USP43: variants seen among roughly 807,000 people sequenced by gnomAD.
USP43 encodes ubiquitin carboxyl-terminal hydrolase 43.
Under a neutral mutation model 90.7 loss-of-function variants are expected in USP43, and 33 were observed. The ratio of observed to expected loss-of-function variants is 0.36; its 90% confidence interval spans 0.28 to 0.49. The LOEUF (loss-of-function observed/expected upper bound fraction) is 0.49, where lower values mean the gene tolerates loss of function less well. USP43 is among the 20% of genes least tolerant of loss of function. The pLI, the probability that USP43 is intolerant of heterozygous loss-of-function variation, is 0.98. For missense variants in USP43, 1,274 were observed against 1,476.4 expected, an observed-to-expected ratio of 0.86 and a Z score of 2.25; for synonymous variants, 598 against 615.8, an observed-to-expected ratio of 0.97 and a Z score of 0.43.
At position 9,728,562 on chromosome 17, in the gene USP43, C is replaced by T. The variant is rs779045380; in HGVS notation, c.2944C>T (p.Arg982Cys). 9.9e-6 allele frequency: 16 copies of T among 1,613,856 alleles called. No individual in the cohort carries two copies. The highest frequency in any genetic ancestry group is 4.4e-5 in the South Asian group (4 of 91,078). ...ATTCTCTGGAAACAGCAAAGACAGT[C>T]GCCGAGGCACCTCTGAGCTAGACAG... The part of the protein sequence containing the change: ...MGFSGNSKDS[R>C]RGTSELDRPL... Residue 982 changes from arginine to cysteine, a missense_variant, in exon 15 of 15, where the codon CGC becomes TGC. Around this residue, in one of 6 missense-constraint regions of USP43, gnomAD observed 353 missense variants for 329.7 expected, o/e 1.07. Coordinates refer to ENST00000285199, the MANE Select transcript of USP43 (RefSeq NM_153210.5). The surrounding 1 kb of genome is among the most constrained non-coding windows in gnomAD (Gnocchi z 6.2).
chr17:9,645,447 G>C, upstream of USP43: 1 of 426,960 alleles, frequency 2.3e-6, no homozygotes, highest in Non-Finnish European at 3.5e-6. The surrounding 1 kb of genome is among the most constrained non-coding windows in gnomAD (Gnocchi z 6.8). Context: ...GAGGGGGCTG[G>C]TCGTGCCGCC....
intron 3 of USP43, among the ~76,000 whole-genome samples, chr17:9,668,808 C>T (rs1040911023): frequency 6.6e-6 from 1 of 152,076 alleles, no homozygotes. Flanking sequence ...AAGCTATTGG[C>T]CATGAAAGCC....
At position 9,728,219 on chromosome 17, in the gene USP43, G is replaced by A. The variant is rs191449726; in HGVS notation, c.2601G>A (p.Arg867=). The change falls in exon 15 of 15, where the codon AGG becomes AGA. Residue 867 remains arginine (R), a synonymous_variant. Coordinates refer to ENST00000285199, the MANE Select transcript of USP43 (RefSeq NM_153210.5). The surrounding 1 kb of genome is among the most constrained non-coding windows in gnomAD (Gnocchi z 6.2). The stretch of plus-strand genomic sequence containing the variant: ...AGGATGAGAAGTCAGCATCGCCGAG[G>A]TCCAACGTCGCCCTTCCTGCTAACA... ...AGEDEKSASP[R]SNVALPANSE... The A allele has an allele frequency of 1.6e-5, 26 of 1,613,918 alleles. No homozygotes were observed. The highest frequency in any genetic ancestry group is 2.2e-5 in the Non-Finnish European group (26 of 1,179,882).
chr17:9,672,115 A>G (rs1913475860), intron 3 of USP43, among the ~76,000 whole-genome samples: 1 of 151,908 alleles, frequency 6.6e-6, no homozygotes, highest in Admixed American at 6.6e-5. Flanking sequence ...TTCTGCCTCA[A>G]CTTCCCAAGT....
intron 6 of USP43, among the ~76,000 whole-genome samples, chr17:9,681,492 A>ATATAT (rs1914280602): frequency 1.6e-5 from 1 of 64,104 alleles, no homozygotes; most frequent in African/African-American, 6.3e-5. Context: ...ATATATATAT[A>ATATAT]TATATATATA....
At chr17:9,664,285 A>G (rs1912853478) in intron 2 of USP43, among the ~76,000 whole-genome samples, 1 of 152,086 alleles carries the variant, frequency 6.6e-6, no homozygotes, top group African/African-American at 2.4e-5. Context: ...CTATCCACTC[A>G]TTACTCATAT....
rs527714340 is a variant in USP43 at position 9,667,439 on chromosome 17, C to T, written c.740+688C>T. On this transcript the variant is annotated intron_variant, in intron 3 of 14. Transcript: ENST00000285199. ...TAAACAAACAATAAAAAAAGTTATA[C>T]AGCCTTTGACTTCAGAAAGTATGTG... 4.6e-5 allele frequency among the ~76,000 whole-genome samples: 7 copies of T among 152,194 alleles called. No homozygotes were observed. The South Asian group carries it at 1.5e-3, about 32-fold the overall frequency.
At chr17:9,664,527 T>A (rs1182550724) in intron 2 of USP43, among the ~76,000 whole-genome samples, 1 of 152,100 alleles carries the variant, frequency 6.6e-6, no homozygotes. Flanking sequence ...TCAAGTTTCA[T>A]GGTGGAAATG....
chr17:9,723,977 G>T (rs1257525749), intron 14 of USP43, among the ~76,000 whole-genome samples: 2 of 152,088 alleles, frequency 1.3e-5, no homozygotes, highest in Non-Finnish European at 2.9e-5. Context: ...TCTTCCTTGA[G>T]ATGCAAGTTT....
In USP43 at chr17:9,729,489, G is replaced by T. The variant is rs921532649; in HGVS notation, c.*499G>T. On this transcript the variant is annotated 3_prime_UTR_variant, in exon 15 of 15. Coordinates refer to ENST00000285199, the MANE Select transcript of USP43 (RefSeq NM_153210.5). ...AAAAAAAAAACAAAAGAATGATAGT[G>T]ATGGTAAGGCAAGATTCTAGCAAAG... 4 of 151,208 alleles carry T rather than the reference G, an allele frequency of 2.6e-5. No individual in the cohort carries two copies. The highest frequency in any genetic ancestry group is 9.7e-5 in the African/African-American group (4 of 41,284). 9.4% of individuals were successfully genotyped at this position (151,208 alleles called of 1,614,324 possible).
intron 1 of USP43, 75 bp from the exon 2 acceptor site, chr17:9,656,328 C>A: frequency 6.5e-7 from 1 of 1,540,012 alleles, no homozygotes; most frequent in Non-Finnish European, 8.8e-7. Context: ...ACTTGGTAGA[C>A]CTGGTGCTCA....
Position 9,674,256 on chromosome 17 carries a change from TC to T in USP43, c.741-632del, listed in dbSNP as rs1027882672. On this transcript the variant is annotated intron_variant, in intron 3 of 14. Coordinates refer to ENST00000285199, the MANE Select transcript of USP43 (RefSeq NM_153210.5). The surrounding 1 kb of genome is among the most constrained non-coding windows in gnomAD (Gnocchi z 4.4). ...TTATGTGTGTCACTAAACATTCTTTTCCCTTTTAAAAAAACGGAGGTGAAAG... is the reference window on the plus strand; with the variant it reads ...TTATGTGTGTCACTAAACATTCTTTTCCTTTTAAAAAAACGGAGGTGAAAG... Among the ~76,000 whole-genome samples, 22 of 152,070 alleles carry T rather than the reference TC, an allele frequency of 1.4e-4. No individual in the cohort carries two copies. Among genetic ancestry groups the T allele is most frequent in the African/African-American group, 4.6e-4 (19 of 41,400 alleles).
rs919843583 is a variant in USP43, at chr17:9,728,461, A to G, written c.2843A>G (p.Glu948Gly). ...GAGCATGAGAAACCAGCTCGACCGG[A>G]GGGCCAGAAGGCCATGAACTGGAAG... ...SVEHEKPARP[E>G]GQKAMNWKES... The change falls in exon 15 of 15, where the codon GAG becomes GGG. Residue 948 changes from glutamate (E) to glycine (G), a missense_variant. Glu to Gly is a moderately conservative substitution (Grantham distance 98). Around this residue, in one of 6 missense-constraint regions of USP43, gnomAD observed 353 missense variants for 329.7 expected, o/e 1.07. Transcript: ENST00000285199. This position sits in a 1 kb window ranked among gnomAD's most constrained non-coding sequence, Gnocchi z 6.2. The G allele has an allele frequency of 4.3e-6, 7 of 1,613,348 alleles. No homozygotes were observed. Among genetic ancestry groups the G allele is most frequent in the Non-Finnish European group, 5.9e-6 (7 of 1,179,622 alleles).
rs571807311 is a variant in USP43 at position 9,686,655 on chromosome 17, T to G, written c.1242-143T>G. 55 of 626,778 alleles carry G rather than the reference T, an allele frequency of 8.8e-5. 1 individual carries two copies. Among genetic ancestry groups the G allele is most frequent in the Admixed American group, 4.4e-4 (15 of 34,088 alleles). 38.8% of individuals were successfully genotyped at this position (626,778 alleles called of 1,614,324 possible). On this transcript the variant is annotated intron_variant, in intron 7 of 14. Coordinates refer to ENST00000285199, the MANE Select transcript of USP43 (RefSeq NM_153210.5). The surrounding 1 kb of genome is among the most constrained non-coding windows in gnomAD (Gnocchi z 5.5). ...CCCATTTTTAAATGGGATTCTTTGG[T>G]TTTTTTTGCTGTTGAGTTTTTGTGC...
intron 8 of USP43, among the ~76,000 whole-genome samples, chr17:9,689,597 A>G (rs998799298): frequency 6.6e-6 from 1 of 151,936 alleles, no homozygotes; most frequent in Non-Finnish European, 1.5e-5. Context: ...ATTTTTTTGC[A>G]GTGATAGGGT....
chr17:9,717,095 G>A (rs1916613958), intron 14 of USP43, among the ~76,000 whole-genome samples: 1 of 150,182 alleles, frequency 6.7e-6, no homozygotes, highest in Admixed American at 6.7e-5. Context: ...GGAGGTGGAG[G>A]TTGCAATGAG....
At chr17:9,703,717 A>G (rs1314073557) in intron 12 of USP43, among the ~76,000 whole-genome samples, 1 of 152,198 alleles carries the variant, frequency 6.6e-6, no homozygotes. Flanking sequence ...GTGCCAACAT[A>G]CACAATCTTT....
chr17:9,690,849 C>T (rs1914901868), intron 8 of USP43, among the ~76,000 whole-genome samples: 1 of 152,176 alleles, frequency 6.6e-6, no homozygotes, highest in Non-Finnish European at 1.5e-5. Flanking sequence ...CGCACCACTG[C>T]ATTCCAGCCT....
intron 12 of USP43, among the ~76,000 whole-genome samples, chr17:9,707,257 TTAAGAC>T (rs1915936927): frequency 6.6e-6 from 1 of 152,184 alleles, no homozygotes; most frequent in Non-Finnish European, 1.5e-5. Context: ...CATACATAGA[TTAAGAC>T]TAAACAGAAT....
Sources: allele counts gnomAD v4.1 joint callset (sites outside exome capture counted in the v4.1 genomes callset), GRCh38; gene constraint gnomAD v4.1.1; regional missense constraint gnomAD v4.1.1; non-coding constraint Gnocchi (gnomAD v3.1); transcripts MANE v1.5; gene names NCBI Gene and HGNC (gene_info 2026-07-23, HGNC 2026-07-21).